Variants in RFC1 observed in about 807,000 individuals in gnomAD.
RFC1 encodes the protein replication factor C subunit 1, also known as A1 140 kDa subunit.
A neutral mutation model predicts 137.4 loss-of-function variants in RFC1; 37 were observed. That is an observed-to-expected ratio of 0.27 (90% CI 0.21 to 0.35). The LOEUF (loss-of-function observed/expected upper bound fraction) is 0.35, where lower values mean the gene tolerates loss of function less well. Ranked by LOEUF, RFC1 falls within the 10% of genes least tolerant of loss-of-function variation. RFC1 has a pLI of 1.00. For synonymous variants in RFC1, 429 were observed against 455.7 expected, an observed-to-expected ratio of 0.94 and a Z score of 0.75; for missense variants, 1,205 against 1,358.5, an observed-to-expected ratio of 0.89 and a Z score of 1.78.
intron 24 of RFC1, chr4:39,289,448 A>C (rs1564709): frequency 0.98 from 175,828 of 179,650 alleles, 86,153 homozygotes; most frequent in Middle Eastern, 1. Context: ...TGGTTTTCAT[A>C]TTTCCCATCA....
chr4:39,305,337 GACTC>G (rs1356441582), intron 14 of RFC1, among the ~76,000 whole-genome samples: 10 of 152,120 alleles, frequency 6.6e-5, no homozygotes, highest in Admixed American at 6.5e-4. Flanking sequence ...CAGGTGCGTT[GACTC>G]ACACCTGTAA....
chr4:39,356,356 G>A (rs1269539755), intron 1 of RFC1, among the ~76,000 whole-genome samples: 2 of 152,058 alleles, frequency 1.3e-5, no homozygotes, highest in Admixed American at 6.6e-5. Context: ...CCAAGATCAC[G>A]CCACTGCACT....
chr4:39,288,728 GTA>G lies in RFC1; in HGVS notation c.*31_*32del. The G allele has an allele frequency of 7.1e-7, 1 of 1,412,722 alleles. No individual in the cohort carries two copies. Among genetic ancestry groups the G allele is most frequent in the Non-Finnish European group, 1.0e-6 (1 of 998,912 alleles). The allele number at this position is 1,412,722 out of a possible 1,614,324, so 87.5% of individuals were successfully genotyped here. ...CCAGCTGGACTGGTCAGGAGGGAGA[GTA>G]AAAAGTGGCTGTCGCTAGTGAAAAA... On this transcript the variant is annotated 3_prime_UTR_variant, in exon 25 of 25. Transcript: ENST00000349703.
rs1427446808 is a variant in RFC1 at position 39,316,874 on chromosome 4, A to G, written c.1203+41T>C. ...GAATACATACATGGACCCATACGGC[A>G]GAGGCCCTCACAGAATGGCATGCCC... On this transcript the variant is annotated intron_variant, in intron 10 of 24. Transcript: ENST00000349703. 5 of 1,198,906 alleles carry G rather than the reference A, an allele frequency of 4.2e-6. No homozygotes were observed. In the Admixed American group the frequency reaches 8.6e-5, roughly 21 times the overall value. The allele number at this position is 1,198,906 out of a possible 1,614,324, so 74.3% of individuals were successfully genotyped here. A position where few individuals can be genotyped will look rare whatever the true frequency, so the allele number is the denominator to read the frequency against.
chr4:39,309,122 G>A, intron 12 of RFC1, 90 bp from the exon 13 acceptor site: 1 of 1,392,864 alleles, frequency 7.2e-7, no homozygotes, highest in Non-Finnish European at 9.6e-7. Flanking sequence ...AGCAATCAGA[G>A]ATATCCAAGT....
In RFC1 at chr4:39,320,402, C is replaced by T. The variant is rs776147227; in HGVS notation, c.1076G>A (p.Ser359Asn). ...TCTTACCTCTTTTTTAGCTGGAGAACTTTTGGTTTTCTTAGGAGTTTTTGT... is the reference window on the plus strand; with the variant it reads ...TCTTACCTCTTTTTTAGCTGGAGAATTTTTGGTTTTCTTAGGAGTTTTTGT... ...GETKTPKKTK[S>N]SPAKKESVSP... Residue 359 changes from serine to asparagine, a missense_variant, in exon 9 of 25, where the codon AGT (serine) becomes AAT (asparagine). Physicochemically the swap from Ser to Asn is conservative, Grantham distance 46. Coordinates refer to ENST00000349703, the MANE Select transcript of RFC1 (RefSeq NM_002913.5). 28 of 1,453,444 alleles carry T rather than the reference C, an allele frequency of 1.9e-5. No individual in the cohort carries two copies. The highest frequency in any genetic ancestry group is 2.5e-5 in the Non-Finnish European group (27 of 1,092,728). 90.0% of individuals were successfully genotyped at this position (1,453,444 alleles called of 1,614,324 possible).
At chr4:39,298,419 C>G (rs925389066) in intron 21 of RFC1, among the ~76,000 whole-genome samples, 1 of 151,642 alleles carries the variant, frequency 6.6e-6, no homozygotes, top group African/African-American at 2.4e-5. Flanking sequence ...TTTCTGGAAG[C>G]GTCTTACTTA....
At position 39,312,746 on chromosome 4, in the gene RFC1, A is replaced by T. The variant is rs747752207; in HGVS notation, c.1383+6T>A. ...GTCATGGTGTTGAGAACAAAGCAGT[A>T]CCCACCTTATCACTCTTGGACTGTC... On this transcript the variant is annotated splice_donor_region_variant and intron_variant, in intron 11 of 24. Coordinates refer to ENST00000349703, the MANE Select transcript of RFC1 (RefSeq NM_002913.5). The T allele has an allele frequency of 6.2e-7, 1 of 1,613,408 alleles. No homozygotes were observed. The highest frequency in any genetic ancestry group is 8.5e-7 in the Non-Finnish European group (1 of 1,179,572).
intron 10 of RFC1, among the ~76,000 whole-genome samples, chr4:39,313,956 A>G (rs892436872): frequency 6.6e-6 from 1 of 152,238 alleles, no homozygotes; most frequent in African/African-American, 2.4e-5. Flanking sequence ...TGAGTTATAT[A>G]TTTTTGCAAT....
chr4:39,312,969 T>C, intron 10 of RFC1, 38 bp from the exon 11 acceptor site: 2 of 1,506,878 alleles, frequency 1.3e-6, no homozygotes. Context: ...GGAAATTACA[T>C]GGTAGCTTTC....
chr4:39,292,031 G>C (rs2109577295), intron 22 of RFC1, 179 bp from the exon 23 acceptor site: 2 of 596,688 alleles, frequency 3.4e-6, no homozygotes, highest in East Asian at 5.6e-5. Context: ...ACAGCATGAG[G>C]GTAATGGGTA....
intron 2 of RFC1, among the ~76,000 whole-genome samples, chr4:39,348,458 A>C (rs927753419): frequency 7.6e-6 from 1 of 131,120 alleles, no homozygotes; most frequent in Non-Finnish European, 1.8e-5. Context: ...AGAAAAGAAA[A>C]GAAAAGAAAA....
chr4:39,302,822 T>C lies in RFC1; in HGVS notation c.2255A>G (p.Asn752Ser), dbSNP rs778599319. 22 of 1,596,458 alleles carry C rather than the reference T, an allele frequency of 1.4e-5. No individual in the cohort carries two copies. Among genetic ancestry groups the C allele is most frequent in the African/African-American group, 2.7e-5 (2 of 73,954 alleles). ...GCGAATCTTGGGATGATTTCTATCA[T>C]TGCACATACAAATAATGGGAATTTT... ...HTKIPIICMC[N>S]DRNHPKIRSL... Residue 752 changes from asparagine to serine, a missense_variant, in exon 17 of 25, where the codon AAT becomes AGT. Transcript: ENST00000349703.
intron 9 of RFC1, among the ~76,000 whole-genome samples, chr4:39,317,247 C>G (rs1056178483): frequency 1.5e-4 from 23 of 152,164 alleles, no homozygotes; most frequent in African/African-American, 5.6e-4. Context: ...AGCCACACAC[C>G]TCAGGGCAGA....
chr4:39,349,667 T>C (rs1180574056), intron 2 of RFC1, among the ~76,000 whole-genome samples: 1 of 152,148 alleles, frequency 6.6e-6, no homozygotes, highest in Non-Finnish European at 1.5e-5. Context: ...TGAAGACCAA[T>C]TTTGATACAA....
In RFC1 at chr4:39,338,785, T is replaced by C. The variant is rs181220385; in HGVS notation, c.331+3560A>G. 7.9e-5 allele frequency among the ~76,000 whole-genome samples: 12 copies of C among 152,294 alleles called. No individual in the cohort carries two copies. In the East Asian group the frequency reaches 1.7e-3, roughly 22 times the overall value. On this transcript the variant is annotated intron_variant, in intron 4 of 24. Coordinates refer to ENST00000349703, the MANE Select transcript of RFC1 (RefSeq NM_002913.5). ...TTTTGTGGCAAGAGCAACTAAAATG[T>C]ACTAATTTAGCAGGAATCCCAAATA...
chr4:39,342,757 G>A (rs546519888), intron 3 of RFC1, among the ~76,000 whole-genome samples: 1 of 152,172 alleles, frequency 6.6e-6, no homozygotes, highest in Non-Finnish European at 1.5e-5. Context: ...CACTGGGCCA[G>A]TCAAGGTACC....
chr4:39,305,634 A>C (rs1293469993), intron 14 of RFC1, among the ~76,000 whole-genome samples: 1 of 152,076 alleles, frequency 6.6e-6, no homozygotes, highest in African/African-American at 2.4e-5. Context: ...ATAAGATATC[A>C]AAAAGTAATC....
At chr4:39,331,495 C>A (rs973612019) in intron 4 of RFC1, among the ~76,000 whole-genome samples, 3 of 152,042 alleles carry the variant, frequency 2.0e-5, no homozygotes, top group African/African-American at 7.2e-5. Context: ...AAGTAAATGA[C>A]CACGTAGGCA....
Sources: allele counts gnomAD v4.1 joint callset (sites outside exome capture counted in the v4.1 genomes callset), GRCh38; gene constraint gnomAD v4.1.1; transcripts MANE v1.5; gene names NCBI Gene and HGNC (gene_info 2026-07-23, HGNC 2026-07-21).